Variants in LRRK2 observed in about 807,000 individuals in gnomAD.
LRRK2 encodes the protein leucine rich repeat kinase 2, also known as leucine-rich repeat serine/threonine-protein kinase 2.
A neutral mutation model predicts 302.6 loss-of-function variants in LRRK2; 203 were observed. That is an observed-to-expected ratio of 0.67 (90% CI 0.60 to 0.75). The LOEUF (loss-of-function observed/expected upper bound fraction) is 0.75. Ranked by LOEUF, LRRK2 falls within the 30% of genes least tolerant of loss-of-function variation. The pLI, the probability that LRRK2 is intolerant of heterozygous loss-of-function variation, is 0.00. For synonymous variants in LRRK2, 1,066 were observed against 1,031.9 expected, an observed-to-expected ratio of 1.03 and a Z score of -0.63; for missense variants, 2,830 against 2,951.0, an observed-to-expected ratio of 0.96 and a Z score of 0.95.
chr12:40,299,069 A>G (rs764831260), intron 24 of LRRK2, 40 bp from the exon 25 acceptor site: 7 of 1,600,328 alleles, frequency 4.4e-6, no homozygotes, highest in African/African-American at 1.3e-5. Context: ...AAGCATATGA[A>G]TTTATGCAAT....
chr12:40,295,103 T>C (rs949515862), intron 22 of LRRK2, among the ~76,000 whole-genome samples, 189 bp downstream of exon 22: 1 of 152,124 alleles, frequency 6.6e-6, no homozygotes, highest in Non-Finnish European at 1.5e-5. Flanking sequence ...AATTTACCTT[T>C]CTTGAATATT....
At position 40,316,239 on chromosome 12, in the gene LRRK2, C is replaced by G. The variant is rs946987396; in HGVS notation, c.4827+939C>G. Reference sequence around the variant, plus strand: ...AACCATAAAGGTAATTAAATTCACTCAGGCAGCCTTGAATAATTGTTCCTA... The same window carrying G: ...AACCATAAAGGTAATTAAATTCACTGAGGCAGCCTTGAATAATTGTTCCTA... On this transcript the variant is annotated intron_variant, in intron 33 of 50. Coordinates refer to ENST00000298910, the MANE Select transcript of LRRK2 (RefSeq NM_198578.4). 4.0e-5 allele frequency: 27 copies of G among 673,076 alleles called. No homozygotes were observed. The Admixed American group carries it at 7.0e-4, about 17-fold the overall frequency. 41.7% of individuals were successfully genotyped at this position (673,076 alleles called of 1,614,324 possible). A position where few individuals can be genotyped will look rare whatever the true frequency, so the allele number is the denominator to read the frequency against.
intron 28 of LRRK2, among the ~76,000 whole-genome samples, chr12:40,306,327 C>T (rs1944823109): frequency 2.0e-5 from 3 of 152,116 alleles, no homozygotes; most frequent in Admixed American, 2.0e-4. Flanking sequence ...TTTCATATAG[C>T]AACTAGTTAA....
rs752631377 is a variant in LRRK2 at position 40,295,570 on chromosome 12, G to C, written c.3022G>C (p.Val1008Leu). The C allele has an allele frequency of 6.2e-7, 1 of 1,614,014 alleles. No homozygotes were observed. Among genetic ancestry groups the C allele is most frequent in the Admixed American group, 1.7e-5 (1 of 59,996 alleles). ...CCTAAGCCAGAAATGCTGTATAAGT[G>C]TTCATTTGGAGCATCTTGAAAAGCT... ...DALSQKCCIS[V>L]HLEHLEKLEL... The change falls in exon 23 of 51, where the codon GTT (valine) becomes CTT (leucine). Residue 1008 changes from valine (V) to leucine (L), a missense_variant. Around this residue, in one of 3 missense-constraint regions of LRRK2, gnomAD observed 2,121 missense variants for 2,148.0 expected, o/e 0.99. Coordinates refer to ENST00000298910, the MANE Select transcript of LRRK2 (RefSeq NM_198578.4).
chr12:40,313,871 A>AT, intron 31 of LRRK2, 101 bp from the exon 32 acceptor site: 2 of 848,086 alleles, frequency 2.4e-6, no homozygotes. Flanking sequence ...TCTGAATAAT[A>AT]TATCTGTTTC....
At chr12:40,289,733 G>A (rs970627833) in intron 20 of LRRK2, among the ~76,000 whole-genome samples, 3 of 151,508 alleles carry the variant, frequency 2.0e-5, no homozygotes, top group Non-Finnish European at 4.4e-5. Flanking sequence ...ATTTCCAGTA[G>A]TTCACTGTTG....
At chr12:40,351,254 C>T (rs1036995075) in intron 43 of LRRK2, among the ~76,000 whole-genome samples, 6 of 152,172 alleles carry the variant, frequency 3.9e-5, no homozygotes, top group South Asian at 2.1e-4. Context: ...TACCTCCTGA[C>T]TCCGCTAAAA....
intron 14 of LRRK2, among the ~76,000 whole-genome samples, chr12:40,273,869 G>A (rs79683356): frequency 6.6e-6 from 1 of 152,132 alleles, no homozygotes; most frequent in African/African-American, 2.4e-5. Flanking sequence ...AGGATGGCCT[G>A]GACAAAGAAG....
intron 35 of LRRK2, 27 bp downstream of exon 35, chr12:40,321,215 A>T (rs749427037): frequency 2.5e-6 from 4 of 1,588,246 alleles, no homozygotes; most frequent in Non-Finnish European, 3.4e-6. Context: ...GACTTATTAG[A>T]TTTTTAGAGA....
At chr12:40,230,653 A>G (rs1281593131) in intron 2 of LRRK2, among the ~76,000 whole-genome samples, 2 of 149,890 alleles carry the variant, frequency 1.3e-5, no homozygotes, top group East Asian at 2.0e-4. Flanking sequence ...TAGAGGGTAC[A>G]TATATGCACT....
intron 38 of LRRK2, among the ~76,000 whole-genome samples, chr12:40,327,064 ATT>A (rs1945575617): frequency 6.6e-6 from 1 of 152,242 alleles, no homozygotes; most frequent in Non-Finnish European, 1.5e-5. Flanking sequence ...TTTTGTGTGT[ATT>A]CACTTATATC....
At position 40,350,830 on chromosome 12, in the gene LRRK2, C is replaced by A. The variant is rs539176807; in HGVS notation, c.6382-709C>A. Among the ~76,000 whole-genome samples, 134 of 152,058 alleles carry A rather than the reference C, an allele frequency of 8.8e-4. 1 individual carries two copies. Among genetic ancestry groups the A allele is most frequent in the Middle Eastern group, 3.4e-3 (1 of 294 alleles). Reference sequence around the variant, plus strand: ...TTTTTCATTTTCAATTATACTTCACCTATACTTAACAGAATACTTAACAAA... The same window carrying A: ...TTTTTCATTTTCAATTATACTTCACATATACTTAACAGAATACTTAACAAA... On this transcript the variant is annotated intron_variant, in intron 43 of 50. Coordinates refer to ENST00000298910, the MANE Select transcript of LRRK2 (RefSeq NM_198578.4).
At chr12:40,230,178 G>C (rs1592132185) in intron 2 of LRRK2, among the ~76,000 whole-genome samples, 3 of 151,988 alleles carry the variant, frequency 2.0e-5, no homozygotes, top group Non-Finnish European at 2.9e-5. Flanking sequence ...GCCTTTGAAA[G>C]CAATTTGAAA....
intron 2 of LRRK2, 119 bp from the exon 3 acceptor site, chr12:40,232,155 C>A: frequency 1.3e-6 from 1 of 774,000 alleles, no homozygotes; most frequent in Non-Finnish European, 2.3e-6. Flanking sequence ...GTTGTATAAC[C>A]ATTGTTTACA....
intron 8 of LRRK2, 45 bp from the exon 9 acceptor site, chr12:40,251,187 G>C: frequency 7.8e-7 from 1 of 1,279,260 alleles, no homozygotes; most frequent in Non-Finnish European, 1.1e-6. Context: ...CTGTTAAGTA[G>C]ATAATATATA....
intron 14 of LRRK2, among the ~76,000 whole-genome samples, chr12:40,265,178 G>A (rs1013053603): frequency 1.3e-5 from 2 of 152,074 alleles, no homozygotes; most frequent in Non-Finnish European, 1.5e-5. Flanking sequence ...ATGTTGTAAT[G>A]GGTTAAATTT....
chr12:40,270,024 G>A (rs528504179), intron 14 of LRRK2, among the ~76,000 whole-genome samples: 1 of 152,048 alleles, frequency 6.6e-6, no homozygotes, highest in Non-Finnish European at 1.5e-5. Flanking sequence ...AGTACTTAAT[G>A]TCTTGGTTTT....
chr12:40,232,875 AAG>A (rs1330908990), intron 3 of LRRK2: 1 of 152,684 alleles, frequency 6.5e-6, no homozygotes, highest in Non-Finnish European at 1.5e-5. Flanking sequence ...AGAGTTAAGA[AAG>A]AGGAAATTAA....
intron 47 of LRRK2, among the ~76,000 whole-genome samples, chr12:40,362,874 G>A (rs947812940): frequency 6.6e-6 from 1 of 152,034 alleles, no homozygotes; most frequent in African/African-American, 2.4e-5. Context: ...GGATGATGTG[G>A]ATTTTTGTTT....
Sources: gnomAD v4.1 joint callset for allele counts (sites outside exome capture counted in the v4.1 genomes callset) on GRCh38, gnomAD v4.1.1 for gene constraint, gnomAD v4.1.1 regional missense constraint, MANE v1.5 for transcripts, NCBI Gene and HGNC (gene_info 2026-07-23, HGNC 2026-07-21) for gene names.